NUBPL: variants seen among roughly 807,000 people sequenced by gnomAD.
NUBPL encodes the protein NUBP iron-sulfur cluster assembly factor, mitochondrial, also known as iron-sulfur cluster transfer protein NUBPL.
A neutral mutation model predicts 45.7 loss-of-function variants in NUBPL; 31 were observed. The observed-to-expected ratio is 0.68, with a 90% confidence interval of 0.51 to 0.92. The LOEUF is 0.92. Ranked by LOEUF, NUBPL falls within the 40% of genes least tolerant of loss-of-function variation. The probability of loss-of-function intolerance (pLI) is 0.00; values close to 1 mark genes in which losing one functional copy is unlikely to be tolerated. For missense variants in NUBPL, 401 were observed against 398.7 expected, an observed-to-expected ratio of 1.01 and a Z score of -0.05; for synonymous variants, 144 against 140.9, an observed-to-expected ratio of 1.02 and a Z score of -0.15.
At chr14:31,731,558 A>G (rs1316904547) in intron 6 of NUBPL, among the ~76,000 whole-genome samples, 1 of 152,186 alleles carries the variant, frequency 6.6e-6, no homozygotes. Flanking sequence ...TAAGTATGTA[A>G]TATTTGCCAG....
At chr14:31,739,865 C>T (rs1206178750) in intron 6 of NUBPL, among the ~76,000 whole-genome samples, 1 of 152,156 alleles carries the variant, frequency 6.6e-6, no homozygotes, top group Non-Finnish European at 1.5e-5. Flanking sequence ...TTTTATTCCC[C>T]CACAGTTTTG....
chr14:31,853,422 C>T (rs8016240), intron 10 of NUBPL, among the ~76,000 whole-genome samples: 20,692 of 152,118 alleles, frequency 0.14, 4,193 homozygotes, highest in African/African-American at 0.44. Context: ...AATCAGTAAA[C>T]GTTTAATCGT....
intron 4 of NUBPL, among the ~76,000 whole-genome samples, chr14:31,653,414 A>G (rs780599926): frequency 4.6e-5 from 7 of 152,162 alleles, no homozygotes; most frequent in Non-Finnish European, 8.8e-5. Flanking sequence ...CGAGGAATGC[A>G]ATTCTTTTCC....
intron 6 of NUBPL, among the ~76,000 whole-genome samples, chr14:31,680,362 A>G (rs964846436): frequency 1.3e-5 from 2 of 152,136 alleles, no homozygotes; most frequent in Non-Finnish European, 2.9e-5. Context: ...TGATAGCTGT[A>G]TCATGCCCTC....
chr14:31,640,823 A>C (rs1005793944), intron 4 of NUBPL, among the ~76,000 whole-genome samples: 2 of 152,168 alleles, frequency 1.3e-5, no homozygotes, highest in African/African-American at 4.8e-5. Flanking sequence ...CGATCACCTT[A>C]AATCCATTTC....
intron 6 of NUBPL, among the ~76,000 whole-genome samples, chr14:31,775,225 C>G (rs914039405): frequency 1.3e-5 from 2 of 152,090 alleles, no homozygotes; most frequent in East Asian, 3.9e-4. Flanking sequence ...CAAGACCAGC[C>G]TGACCAACAT....
intron 3 of NUBPL, among the ~76,000 whole-genome samples, chr14:31,591,105 A>G (rs994320676): frequency 6.6e-6 from 1 of 152,190 alleles, no homozygotes; most frequent in Non-Finnish European, 1.5e-5. Context: ...CTTGCTAGTA[A>G]GCAGATAAAA....
intron 4 of NUBPL, among the ~76,000 whole-genome samples, chr14:31,623,698 T>C (rs995545573): frequency 6.6e-6 from 1 of 152,192 alleles, no homozygotes; most frequent in Non-Finnish European, 1.5e-5. Flanking sequence ...CAATTAAACC[T>C]CTTTTCTTTA....
intron 7 of NUBPL, among the ~76,000 whole-genome samples, chr14:31,789,651 G>C (rs926416819): frequency 2.6e-5 from 4 of 151,960 alleles, no homozygotes; most frequent in Non-Finnish European, 4.4e-5. Context: ...TTGCTAATTA[G>C]TTATATACTG....
chr14:31,849,717 TG>T (rs759308933), intron 9 of NUBPL, among the ~76,000 whole-genome samples: 5 of 152,146 alleles, frequency 3.3e-5, no homozygotes, highest in African/African-American at 9.7e-5. Flanking sequence ...TACTTTTTTT[TG>T]AACTACTTTG....
At chr14:31,690,710 C>T (rs1316888825) in intron 6 of NUBPL, among the ~76,000 whole-genome samples, 1 of 152,082 alleles carries the variant, frequency 6.6e-6, no homozygotes, top group Non-Finnish European at 1.5e-5. Context: ...ATGACAGAGT[C>T]AATCAGGAAA....
At chr14:31,686,090 C>T (rs999768894) in intron 6 of NUBPL, among the ~76,000 whole-genome samples, 3 of 152,114 alleles carry the variant, frequency 2.0e-5, no homozygotes, top group African/African-American at 7.2e-5. Context: ...GATAAGACCC[C>T]TGTGTAGCAG....
At chr14:31,649,315 A>G (rs529504057) in intron 4 of NUBPL, among the ~76,000 whole-genome samples, 12 of 152,316 alleles carry the variant, frequency 7.9e-5, no homozygotes, top group Middle Eastern at 3.4e-3. Flanking sequence ...CCTGTCGCTC[A>G]TTTGAAAGGT....
intron 6 of NUBPL, among the ~76,000 whole-genome samples, chr14:31,776,398 G>A (rs7145746): frequency 1 from 151,985 of 152,302 alleles, 75,836 homozygotes; most frequent in Middle Eastern, 1. Flanking sequence ...CACACAATGG[G>A]AAGCCAAGCA....
chr14:31,737,500 G>A (rs1035135487), intron 6 of NUBPL, among the ~76,000 whole-genome samples: 2 of 151,884 alleles, frequency 1.3e-5, no homozygotes, highest in East Asian at 1.9e-4. Context: ...TAAATAATTC[G>A]GGTTTGGCAC....
At chr14:31,642,029 A>G (rs2035716932) in intron 4 of NUBPL, among the ~76,000 whole-genome samples, 1 of 152,074 alleles carries the variant, frequency 6.6e-6, no homozygotes, top group Admixed American at 6.5e-5. Flanking sequence ...AAATCAGGTT[A>G]TTATTATTTT....
At chr14:31,566,920 C>G (rs2033450799) in intron 3 of NUBPL, among the ~76,000 whole-genome samples, 1 of 152,198 alleles carries the variant, frequency 6.6e-6, no homozygotes, top group Non-Finnish European at 1.5e-5. Context: ...CCTAAAGCTT[C>G]CAGAAGGTAC....
chr14:31,838,558 G>A lies in NUBPL; in HGVS notation c.694-7913G>A, dbSNP rs183998594. On this transcript the variant is annotated intron_variant, in intron 8 of 10. Coordinates refer to ENST00000281081, the MANE Select transcript of NUBPL (RefSeq NM_025152.3). ...ATTTATGGTGTTAGAAAGCAGGTTAGTGAATACCTTTGGGAATGTGTTTGG... is the reference window on the plus strand; with the variant it reads ...ATTTATGGTGTTAGAAAGCAGGTTAATGAATACCTTTGGGAATGTGTTTGG... Among the ~76,000 whole-genome samples the A allele has an allele frequency of 2.0e-5, 3 of 152,154 alleles. No homozygotes were observed. In the South Asian group the frequency reaches 6.2e-4, roughly 32 times the overall value.
intron 6 of NUBPL, among the ~76,000 whole-genome samples, chr14:31,694,870 G>T (rs1333290164): frequency 6.6e-6 from 1 of 152,166 alleles, no homozygotes; most frequent in Non-Finnish European, 1.5e-5. Flanking sequence ...AGATGTTGAG[G>T]TTACACAGTT....
Sources: gnomAD v4.1 joint callset for allele counts (sites outside exome capture counted in the v4.1 genomes callset) on GRCh38, gnomAD v4.1.1 for gene constraint, MANE v1.5 for transcripts, NCBI Gene and HGNC (gene_info 2026-07-23, HGNC 2026-07-21) for gene names.